SLC35B4: variants seen among roughly 807,000 people sequenced by gnomAD.
The protein encoded by SLC35B4 is nucleotide sugar transporter SLC35B4.
In SLC35B4, 28 loss-of-function variants were observed where a neutral mutation model predicts 39.5. The ratio of observed to expected loss-of-function variants is 0.71; its 90% CI spans 0.53 to 0.97. The LOEUF is 0.97. SLC35B4 is among the 50% of genes least tolerant of loss of function. SLC35B4 has a pLI of 0.00. For synonymous variants in SLC35B4, 145 were observed against 150.4 expected, an observed-to-expected ratio of 0.96 and a Z score of 0.26; for missense variants, 334 against 414.3, an observed-to-expected ratio of 0.81 and a Z score of 1.68.
At chr7:134,315,004 C>T (rs748650319) in intron 1 of SLC35B4, among the ~76,000 whole-genome samples, 4 of 152,054 alleles carry the variant, frequency 2.6e-5, no homozygotes, top group Non-Finnish European at 4.4e-5. Context: ...TGTCAAGCTC[C>T]GTAACAGCAA....
Position 134,304,796 on chromosome 7 carries a change from A to G in SLC35B4, c.344+9T>C. 2.5e-6 allele frequency: 4 copies of G among 1,601,316 alleles called. No homozygotes were observed. The highest frequency in any genetic ancestry group is 3.4e-6 in the Non-Finnish European group (4 of 1,168,494). Reference sequence around the variant, plus strand: ...TTCCATACACAAAATACAGAAGTGTATTGTTTACCTTTTCTTCAAAATGAT... The same window carrying G: ...TTCCATACACAAAATACAGAAGTGTGTTGTTTACCTTTTCTTCAAAATGAT... On this transcript the variant is annotated intron_variant, in intron 4 of 9. Transcript: ENST00000378509.
Position 134,304,942 on chromosome 7 carries a change from G to A in SLC35B4, c.295-88C>T, listed in dbSNP as rs1803672278. The A allele has an allele frequency of 5.2e-6, 5 of 958,570 alleles. No individual in the cohort carries two copies. The South Asian group carries it at 5.6e-5, about 11-fold the overall frequency. 59.4% of individuals were successfully genotyped at this position (958,570 alleles called of 1,614,324 possible). A position where few individuals can be genotyped will look rare whatever the true frequency, so the allele number is the denominator to read the frequency against. ...GAGAGAATAGGAACATGGGCAAGGG[G>A]AAAAAACATGGAATGAAGGAAGCTA... On this transcript the variant is annotated intron_variant, in intron 3 of 9. Coordinates refer to ENST00000378509, the MANE Select transcript of SLC35B4 (RefSeq NM_032826.5).
chr7:134,316,597 G>A lies in SLC35B4; in HGVS notation c.77+78C>T, dbSNP rs550842620. 6.9e-6 allele frequency: 10 copies of A among 1,445,290 alleles called. No homozygotes were observed. The Admixed American group carries it at 2.0e-4, about 29-fold the overall frequency. 89.5% of individuals were successfully genotyped at this position (1,445,290 alleles called of 1,614,324 possible). ...GGCGGGGTGGGGACAGGGCGTGGGC[G>A]CGTCCCGGGGGGACCTCTCCTCTGG... On this transcript the variant is annotated intron_variant, in intron 1 of 9. Transcript: ENST00000378509.
chr7:134,304,187 G>C (rs1803655357), intron 4 of SLC35B4, among the ~76,000 whole-genome samples: 1 of 152,098 alleles, frequency 6.6e-6, no homozygotes, highest in Non-Finnish European at 1.5e-5. Flanking sequence ...CTAGGAGTTT[G>C]AGACCAGCGG....
Position 134,316,829 on chromosome 7 carries a change from G to C in SLC35B4, c.-78C>G. ...CGCTACCCCAGGAAGCCGGCCTCCT[G>C]CCTCTTCGCTGCGCAGCACATCGCA... On this transcript the variant is annotated 5_prime_UTR_variant, in exon 1 of 10. Coordinates refer to ENST00000378509, the MANE Select transcript of SLC35B4 (RefSeq NM_032826.5). 2 of 1,403,482 alleles carry C rather than the reference G, an allele frequency of 1.4e-6. No homozygotes were observed. Among genetic ancestry groups the C allele is most frequent in the Non-Finnish European group, 2.0e-6 (2 of 1,023,652 alleles). 86.9% of individuals were successfully genotyped at this position (1,403,482 alleles called of 1,614,324 possible).
At chr7:134,310,903 T>C (rs1200822070) in intron 1 of SLC35B4, among the ~76,000 whole-genome samples, 1 of 152,196 alleles carries the variant, frequency 6.6e-6, no homozygotes, top group African/African-American at 2.4e-5. Context: ...AGGTATGTAA[T>C]TGTATTATTA....
intron 1 of SLC35B4, among the ~76,000 whole-genome samples, chr7:134,315,497 A>T (rs1172365180): frequency 6.6e-6 from 1 of 152,160 alleles, no homozygotes; most frequent in African/African-American, 2.4e-5. Flanking sequence ...TAATTCATGT[A>T]CAAATTATTA....
chr7:134,296,399 G>A lies in SLC35B4; in HGVS notation c.741C>T (p.Ile247=), dbSNP rs1359411461. 1 of 1,613,668 alleles carries A rather than the reference G, an allele frequency of 6.2e-7. No individual in the cohort carries two copies. Among genetic ancestry groups the A allele is most frequent in the East Asian group, 2.2e-5 (1 of 44,882 alleles). ...PIMWFYLLMN[I]ITQYVCIRGV... Reference sequence around the variant, plus strand: ...CACAGTCCAAAGGATACTGAGTGATGATGTTCATGAGGAGGTAGAACCACA... The same window carrying A: ...CACAGTCCAAAGGATACTGAGTGATAATGTTCATGAGGAGGTAGAACCACA... The change falls in exon 9 of 10, where the codon ATC becomes ATT. Residue 247 remains isoleucine, a synonymous_variant. Coordinates refer to ENST00000378509, the MANE Select transcript of SLC35B4 (RefSeq NM_032826.5).
At chr7:134,317,136 T>G, upstream of SLC35B4, 1 of 213,750 alleles carries the variant, frequency 4.7e-6, no homozygotes, top group Non-Finnish European at 9.4e-6. Context: ...TGCTGGGAAA[T>G]GAAGTCCCAA....
intron 3 of SLC35B4, among the ~76,000 whole-genome samples, chr7:134,305,756 T>C (rs1168289539): frequency 6.6e-6 from 1 of 152,180 alleles, no homozygotes; most frequent in Admixed American, 6.5e-5. Flanking sequence ...CCACAACCTC[T>C]GCCTCCCAGG....
Position 134,289,752 on chromosome 7 carries a change from T to C in SLC35B4, c.*5081A>G, listed in dbSNP as rs964750416. The C allele has an allele frequency of 3.9e-5, 6 of 152,224 alleles. No individual in the cohort carries two copies. The highest frequency in any genetic ancestry group is 1.4e-4 in the African/African-American group (6 of 41,454). The allele number at this position is 152,224 out of a possible 1,614,324, so 9.4% of individuals were successfully genotyped here. ...GGGGAATAACCACTACTGCTCTCTT[T>C]GGTTCACAAGAGTCATCTATGCATT... On this transcript the variant is annotated 3_prime_UTR_variant, in exon 10 of 10. Coordinates refer to ENST00000378509, the MANE Select transcript of SLC35B4 (RefSeq NM_032826.5).
intron 6 of SLC35B4, among the ~76,000 whole-genome samples, chr7:134,300,906 A>G (rs1295593610): frequency 7.5e-6 from 1 of 132,458 alleles, no homozygotes; most frequent in Non-Finnish European, 1.6e-5. Flanking sequence ...ATAGGCCAAC[A>G]TAAAAAGGTA....
At chr7:134,307,074 C>T (rs984697703) in intron 2 of SLC35B4, among the ~76,000 whole-genome samples, 9 of 152,076 alleles carry the variant, frequency 5.9e-5, no homozygotes, top group Admixed American at 5.9e-4. Context: ...TTTCATATAC[C>T]TCTGAAGAAC....
At position 134,290,910 on chromosome 7, in the gene SLC35B4, C is replaced by A. The variant is rs1803318011; in HGVS notation, c.*3923G>T. 1 of 152,228 alleles carries A rather than the reference C, an allele frequency of 6.6e-6. No homozygotes were observed. The highest frequency in any genetic ancestry group is 2.4e-5 in the African/African-American group (1 of 41,460). 9.4% of individuals were successfully genotyped at this position (152,228 alleles called of 1,614,324 possible). ...ACGTAGTTCTCCTCCATGTGCATTT[C>A]TCTGTCCGTTTAGGTCAATGCCAAC... is the stretch of plus-strand genomic sequence containing the variant. On this transcript the variant is annotated 3_prime_UTR_variant, in exon 10 of 10. Transcript: ENST00000378509.
At position 134,316,782 on chromosome 7, in the gene SLC35B4, C is replaced by T. The variant is rs1161433547; in HGVS notation, c.-31G>A. 9 of 1,531,498 alleles carry T rather than the reference C, an allele frequency of 5.9e-6. No individual in the cohort carries two copies. Among genetic ancestry groups the T allele is most frequent in the Non-Finnish European group, 7.9e-6 (9 of 1,141,116 alleles). 94.9% of individuals were successfully genotyped at this position (1,531,498 alleles called of 1,614,324 possible). On this transcript the variant is annotated 5_prime_UTR_variant, in exon 1 of 10. In the 5' UTR this introduces an upstream ATG that the reference lacks. Transcript: ENST00000378509. ...GTGCAGGGTTGGGGAAGCAAGCGCA[C>T]AGAGTAAGCGCCCGCCTGTACCGCT...
At chr7:134,306,220 A>T (rs1380800991) in intron 3 of SLC35B4, among the ~76,000 whole-genome samples, 1 of 151,290 alleles carries the variant, frequency 6.6e-6, no homozygotes, top group African/African-American at 2.4e-5. Context: ...CCCTACCTTC[A>T]TCAAGAATTT....
intron 8 of SLC35B4, 87 bp downstream of exon 8, chr7:134,299,436 G>T: frequency 1.9e-6 from 2 of 1,067,002 alleles, no homozygotes; most frequent in South Asian, 1.4e-5. Flanking sequence ...ATAGGATTAT[G>T]AAAAAGGCCG....
Position 134,306,698 on chromosome 7 carries a change from T to C in SLC35B4, c.268A>G (p.Met90Val), listed in dbSNP as rs773446172. The change falls in exon 3 of 10, where the codon ATG becomes GTG. Residue 90 changes from methionine (M) to valine (V), a missense_variant. By Grantham distance (21) the Met-to-Val change is conservative. Coordinates refer to ENST00000378509, the MANE Select transcript of SLC35B4 (RefSeq NM_032826.5). ...GATCTAAATATCATATGCAGGGGCATGGCAATGTTGAGATTCAGGGCATAG... is the reference window on the plus strand; with the variant it reads ...GATCTAAATATCATATGCAGGGGCACGGCAATGTTGAGATTCAGGGCATAG... ...NNYALNLNIA[M>V]PLHMIFRSGS... 1 of 1,614,034 alleles carries C rather than the reference T, an allele frequency of 6.2e-7. No homozygotes were observed. The highest frequency in any genetic ancestry group is 8.5e-7 in the Non-Finnish European group (1 of 1,179,998).
chr7:134,303,143 T>A (rs1419336279), intron 4 of SLC35B4, among the ~76,000 whole-genome samples: 4 of 152,074 alleles, frequency 2.6e-5, no homozygotes, highest in African/African-American at 7.2e-5. Context: ...AGTTACTAAT[T>A]TACTCTGTTG....
Sources: gnomAD v4.1 joint callset for allele counts (sites outside exome capture counted in the v4.1 genomes callset) on GRCh38, gnomAD v4.1.1 for gene constraint, MANE v1.5 for transcripts, NCBI Gene and HGNC (gene_info 2026-07-23, HGNC 2026-07-21) for gene names.